The following IGFBP2 variants were observed in gnomAD, a reference collection of about 807,000 sequenced individuals.
IGFBP2 encodes insulin like growth factor binding protein 2.
In IGFBP2, 12 loss-of-function variants were observed where a neutral mutation model predicts 26.2. That is an observed-to-expected ratio of 0.46 (90% confidence interval 0.29 to 0.74). The LOEUF is 0.74. Ranked by LOEUF, IGFBP2 falls within the 30% of genes least tolerant of loss-of-function variation. IGFBP2 has a pLI of 0.09. For synonymous variants in IGFBP2, 189 were observed against 200.6 expected (o/e 0.94, Z 0.49); for missense variants, 328 against 441.2 (o/e 0.74, Z 2.30).
At chr2:216,639,696 G>A (rs956501154) in intron 1 of IGFBP2, among the ~76,000 whole-genome samples, 3 of 151,982 alleles carry the variant, frequency 2.0e-5, no homozygotes, top group Non-Finnish European at 4.4e-5. Flanking sequence ...AGGCTGGAGT[G>A]CAGTGGCGCA....
chr2:216,653,153 G>C (rs927079610), intron 1 of IGFBP2, among the ~76,000 whole-genome samples: 1 of 152,200 alleles, frequency 6.6e-6, no homozygotes, highest in African/African-American at 2.4e-5. Context: ...TGAGGAGGAA[G>C]GACCAGGGAG....
chr2:216,642,721 G>A (rs142144510), intron 1 of IGFBP2, among the ~76,000 whole-genome samples: 1 of 152,324 alleles, frequency 6.6e-6, no homozygotes, highest in Non-Finnish European at 1.5e-5. Flanking sequence ...TAGAATGGGG[G>A]TTGGAGGGAC....
intron 1 of IGFBP2, among the ~76,000 whole-genome samples, chr2:216,640,700 G>T (rs148073158): frequency 6.6e-6 from 1 of 152,202 alleles, no homozygotes; most frequent in Non-Finnish European, 1.5e-5. Context: ...CTCTACCTCC[G>T]TGGCCGGGTA....
Position 216,660,452 on chromosome 2 carries a change from G to A in IGFBP2, c.443-105G>A, listed in dbSNP as rs531212630. 52 of 766,986 alleles carry A rather than the reference G, an allele frequency of 6.8e-5. No homozygotes were observed. In the Middle Eastern group the frequency reaches 1.3e-3, roughly 19 times the overall value. 47.5% of individuals were successfully genotyped at this position (766,986 alleles called of 1,614,324 possible). A position where few individuals can be genotyped will look rare whatever the true frequency, so the allele number is the denominator to read the frequency against. ...CAGGCCATCAGCACTCATTAGCCGCGCGTCATCTCCACCCTCATCATCATT... is the reference window on the plus strand; with the variant it reads ...CAGGCCATCAGCACTCATTAGCCGCACGTCATCTCCACCCTCATCATCATT... On this transcript the variant is annotated intron_variant, in intron 1 of 3. Transcript: ENST00000233809.
intron 1 of IGFBP2, among the ~76,000 whole-genome samples, chr2:216,637,471 G>T (rs959250629): frequency 8.5e-5 from 13 of 152,260 alleles, no homozygotes; most frequent in Admixed American, 4.6e-4. Context: ...GGAAGCTGCA[G>T]AATCCGGGTC....
intron 1 of IGFBP2, among the ~76,000 whole-genome samples, chr2:216,648,885 G>A (rs1697765682): frequency 6.6e-6 from 1 of 152,110 alleles, no homozygotes; most frequent in Admixed American, 6.5e-5. Context: ...GGGATTACAG[G>A]CATGAGCCAC....
chr2:216,647,414 A>G (rs1262288898), intron 1 of IGFBP2, among the ~76,000 whole-genome samples: 2 of 152,232 alleles, frequency 1.3e-5, no homozygotes, highest in Non-Finnish European at 1.5e-5. Flanking sequence ...CTTTTTGGCA[A>G]TGGACTCAGG....
chr2:216,660,445 T>TATG (rs1454199821), intron 1 of IGFBP2, 112 bp from the exon 2 acceptor site: 1 of 723,516 alleles, frequency 1.4e-6, no homozygotes, highest in African/African-American at 1.8e-5. Context: ...CAGCACTCAT[T>TATG]AGCCGCGCGT....
In IGFBP2 at chr2:216,664,094, G is replaced by A. The variant is rs759413522; in HGVS notation, c.968G>A (p.Arg323Gln). The A allele has an allele frequency of 7.5e-6, 12 of 1,605,444 alleles. No homozygotes were observed. The highest frequency in any genetic ancestry group is 4.5e-5 in the East Asian group (2 of 44,660). Residue 323 changes from arginine to glutamine, a missense_variant, in exon 4 of 4, where the codon CGG becomes CAG. Physicochemically the swap from Arg to Gln is conservative, Grantham distance 43. Coordinates refer to ENST00000233809, the MANE Select transcript of IGFBP2 (RefSeq NM_000597.3). The surrounding 1 kb of genome is among the most constrained non-coding windows in gnomAD (Gnocchi z 4.6). Reference sequence around the variant, plus strand: ...GAGGCTCGCGGGGTGCACACCCAGCGGATGCAGTAGACCGCAGCCAGCCGG... The same window carrying A: ...GAGGCTCGCGGGGTGCACACCCAGCAGATGCAGTAGACCGCAGCCAGCCGG... ...QQEARGVHTQRMQ is the reference protein window; with the variant it reads ...QQEARGVHTQQMQ
chr2:216,645,619 G>T (rs888407558), intron 1 of IGFBP2, among the ~76,000 whole-genome samples: 12 of 152,222 alleles, frequency 7.9e-5, no homozygotes, highest in African/African-American at 2.9e-4. Flanking sequence ...AAATGAGGTA[G>T]TGCAGGTTCT....
chr2:216,655,160 C>T (rs1380950445), intron 1 of IGFBP2, among the ~76,000 whole-genome samples: 5 of 152,216 alleles, frequency 3.3e-5, no homozygotes, highest in Admixed American at 6.5e-5. Flanking sequence ...TAATTTCCCA[C>T]CTCAGCCTCC....
intron 1 of IGFBP2, 156 bp downstream of exon 1, chr2:216,634,121 C>A: frequency 2.4e-6 from 2 of 849,124 alleles, no homozygotes; most frequent in Non-Finnish European, 2.8e-6. Context: ...GGAAGTCAGG[C>A]CCGGGGAGGG....
chr2:216,639,288 G>A (rs1445610704), intron 1 of IGFBP2, among the ~76,000 whole-genome samples: 1 of 152,112 alleles, frequency 6.6e-6, no homozygotes, highest in Non-Finnish European at 1.5e-5. Context: ...TGCCCGCCTT[G>A]GCCTCCCAAA....
At chr2:216,642,367 C>T (rs1697633894) in intron 1 of IGFBP2, among the ~76,000 whole-genome samples, 3 of 142,576 alleles carry the variant, frequency 2.1e-5, no homozygotes, top group Admixed American at 7.2e-5. Context: ...AGTGCAGTGG[C>T]GCGATCTCGG....
chr2:216,655,749 A>T (rs1160552635), intron 1 of IGFBP2, among the ~76,000 whole-genome samples: 2 of 151,846 alleles, frequency 1.3e-5, no homozygotes, highest in African/African-American at 4.8e-5. Flanking sequence ...ACAAATATTA[A>T]CCAGGCGTGG....
At position 216,633,721 on chromosome 2, in the gene IGFBP2, A is replaced by G. The variant is rs1385468910; in HGVS notation, c.198A>G (p.Ala66=). Reference sequence around the variant, plus strand: ...TTGCGCCGCCCGCCGCGGTGGCCGCAGTGGCCGGAGGCGCCCGCATGCCAT... The same window carrying G: ...TTGCGCCGCCCGCCGCGGTGGCCGCGGTGGCCGGAGGCGCCCGCATGCCAT... ...PPVAPPAAVA[A]VAGGARMPCA... The change falls in exon 1 of 4, where the codon GCA becomes GCG. Residue 66 remains alanine, a synonymous_variant. Transcript: ENST00000233809. The G allele has an allele frequency of 2.5e-6, 3 of 1,217,178 alleles. No individual in the cohort carries two copies. Among genetic ancestry groups the G allele is most frequent in the Admixed American group, 4.4e-5 (1 of 22,818 alleles). The allele number at this position is 1,217,178 out of a possible 1,614,324, so 75.4% of individuals were successfully genotyped here. A position where few individuals can be genotyped will look rare whatever the true frequency, so the allele number is the denominator to read the frequency against.
chr2:216,637,767 G>A (rs1178988289), intron 1 of IGFBP2, among the ~76,000 whole-genome samples: 4 of 152,206 alleles, frequency 2.6e-5, no homozygotes, highest in Non-Finnish European at 4.4e-5. Flanking sequence ...GGACTGTTGA[G>A]CTTCCTGTCA....
chr2:216,656,589 G>C (rs995902902), intron 1 of IGFBP2, among the ~76,000 whole-genome samples: 6 of 152,188 alleles, frequency 3.9e-5, no homozygotes, highest in Non-Finnish European at 8.8e-5. Context: ...GGTTTCTGGT[G>C]GGTAGAGGCC....
At chr2:216,658,748 C>T (rs985344140) in intron 1 of IGFBP2, among the ~76,000 whole-genome samples, 1 of 151,754 alleles carries the variant, frequency 6.6e-6, no homozygotes, top group Non-Finnish European at 1.5e-5. Flanking sequence ...GATGGGGTTT[C>T]ACCATGTTGG....
Sources: allele counts gnomAD v4.1 joint callset (sites outside exome capture counted in the v4.1 genomes callset), GRCh38; gene constraint gnomAD v4.1.1; non-coding constraint Gnocchi (gnomAD v3.1); transcripts MANE v1.5; gene names NCBI Gene and HGNC (gene_info 2026-07-23, HGNC 2026-07-21).